Variants in LAMB1 observed in about 807,000 individuals in gnomAD.
LAMB1 encodes the protein laminin subunit beta 1, also known as laminin subunit beta-1.
In LAMB1, 121 loss-of-function variants were observed where a neutral mutation model predicts 222.3. The ratio of observed to expected loss-of-function variants is 0.54; its 90% confidence interval spans 0.47 to 0.63. The LOEUF (loss-of-function observed/expected upper bound fraction) is 0.63, where lower values mean the gene tolerates loss of function less well. Ranked by LOEUF, LAMB1 falls within the 30% of genes least tolerant of loss-of-function variation. The pLI is 0.00. For synonymous variants in LAMB1, 794 were observed against 807.2 expected, an observed-to-expected ratio of 0.98 and a Z score of 0.28; for missense variants, 2,172 against 2,240.8, an observed-to-expected ratio of 0.97 and a Z score of 0.62.
intron 20 of LAMB1, among the ~76,000 whole-genome samples, chr7:107,957,627 C>T (rs891771642): frequency 6.6e-6 from 1 of 152,222 alleles, no homozygotes; most frequent in African/African-American, 2.4e-5. Context: ...GGGCCAGGAA[C>T]TGAGGTCCAA....
rs756401698 is a variant in LAMB1, at chr7:107,959,832, A to C, written c.2317T>G (p.Cys773Gly). The C allele has an allele frequency of 6.2e-7, 1 of 1,612,376 alleles. No homozygotes were observed. The highest frequency in any genetic ancestry group is 8.5e-7 in the Non-Finnish European group (1 of 1,179,116). Residue 773 changes from cysteine to glycine, a missense_variant and splice_region_variant, in exon 19 of 34, where the codon TGT (cysteine) becomes GGT (glycine). By Grantham distance (159) the Cys-to-Gly change is radical. Transcript: ENST00000222399. ...AACGAACCCTGAGGGTCGCATTCAC[A>C]AGCTGTGGGTAAAGAGAGGCCAGAA... is the stretch of plus-strand genomic sequence containing the variant. Reference protein sequence around the residue: ...SALLHQTGLACECDPQGSLSS... With the variant: ...SALLHQTGLAGECDPQGSLSS...
rs369825494 is a variant in LAMB1 at position 107,973,930 on chromosome 7, G to A, written c.1483-859C>T. ...CAAAGTGGTGGGATTACAGGTGTGAGCCATTGTGCCCAGCCTATTTTATTT... is the reference window on the plus strand; with the variant it reads ...CAAAGTGGTGGGATTACAGGTGTGAACCATTGTGCCCAGCCTATTTTATTT... On this transcript the variant is annotated intron_variant, in intron 12 of 33. Coordinates refer to ENST00000222399, the MANE Select transcript of LAMB1 (RefSeq NM_002291.3). Among the ~76,000 whole-genome samples, 26 of 152,096 alleles carry A rather than the reference G, an allele frequency of 1.7e-4. 1 individual carries two copies. In the East Asian group the frequency reaches 2.1e-3, roughly 12 times the overall value.
chr7:107,937,225 A>G lies in LAMB1; in HGVS notation c.3814T>C (p.Ser1272Pro). The change falls in exon 26 of 34, where the codon TCT becomes CCT. Residue 1272 changes from serine (S) to proline (P), a missense_variant. Ser to Pro is a moderately conservative substitution (Grantham distance 74). Transcript: ENST00000222399. ...EMMAQVEVKL[S>P]DTTSQSNSTA... The stretch of plus-strand genomic sequence containing the variant: ...CTGTTGCTTTGGGAAGTTGTGTCAG[A>G]TAATTTCACTTCTACTTGAGCCATC... 1 of 1,614,050 alleles carries G rather than the reference A, an allele frequency of 6.2e-7. No individual in the cohort carries two copies. Among genetic ancestry groups the G allele is most frequent in the Non-Finnish European group, 8.5e-7 (1 of 1,179,932 alleles).
intron 20 of LAMB1, among the ~76,000 whole-genome samples, chr7:107,959,009 G>A (rs1183746330): frequency 1.3e-5 from 2 of 152,230 alleles, no homozygotes; most frequent in African/African-American, 4.8e-5. Context: ...TCGCCAAGAG[G>A]ACGGATTCAT....
At chr7:107,951,748 G>A (rs983181410) in intron 23 of LAMB1, among the ~76,000 whole-genome samples, 1 of 152,180 alleles carries the variant, frequency 6.6e-6, no homozygotes, top group African/African-American at 2.4e-5. Flanking sequence ...AGGTACTGAA[G>A]AGAAATAGCA....
chr7:107,970,599 T>C (rs1335220520), intron 13 of LAMB1, among the ~76,000 whole-genome samples: 3 of 152,072 alleles, frequency 2.0e-5, no homozygotes, highest in Non-Finnish European at 2.9e-5. Context: ...TATTTTTCAA[T>C]GTTATTAAAC....
intron 13 of LAMB1, among the ~76,000 whole-genome samples, chr7:107,970,396 G>C (rs1330934808): frequency 6.7e-6 from 1 of 149,038 alleles, no homozygotes; most frequent in Non-Finnish European, 1.5e-5. Context: ...GCTGAGGTGG[G>C]AGAATCGCTT....
intron 14 of LAMB1, among the ~76,000 whole-genome samples, chr7:107,963,693 C>T (rs2033561898): frequency 1.3e-5 from 2 of 152,210 alleles, no homozygotes; most frequent in African/African-American, 4.8e-5. Flanking sequence ...TTCCATGAAT[C>T]CTTGTGACTT....
chr7:107,935,308 A>G, intron 27 of LAMB1, 107 bp downstream of exon 27: 1 of 1,486,942 alleles, frequency 6.7e-7, no homozygotes, highest in Non-Finnish European at 8.9e-7. Flanking sequence ...TCATTTGCAA[A>G]TTATTGTAAT....
intron 26 of LAMB1, among the ~76,000 whole-genome samples, chr7:107,936,727 G>A (rs550574750): frequency 6.6e-6 from 1 of 152,028 alleles, no homozygotes; most frequent in African/African-American, 2.4e-5. Flanking sequence ...CAGCATTCTT[G>A]AATGTGAAAG....
chr7:107,948,377 G>A (rs2033173895), intron 24 of LAMB1, among the ~76,000 whole-genome samples: 1 of 152,020 alleles, frequency 6.6e-6, no homozygotes. Context: ...GGGCTTTCTG[G>A]TCTTCCATGA....
At chr7:107,993,026 C>G (rs1167840309) in intron 5 of LAMB1, among the ~76,000 whole-genome samples, 1 of 152,184 alleles carries the variant, frequency 6.6e-6, no homozygotes, top group African/African-American at 2.4e-5. Flanking sequence ...CAAGAAGGAG[C>G]AGGCAGGGAT....
chr7:107,949,089 C>A (rs2033187774), intron 24 of LAMB1, among the ~76,000 whole-genome samples: 1 of 152,154 alleles, frequency 6.6e-6, no homozygotes, highest in South Asian at 2.1e-4. Context: ...ATGAAAGGAA[C>A]AAAGAAGTTG....
At chr7:107,926,474 G>A (rs1276932291) in intron 31 of LAMB1, 115 bp from the exon 32 acceptor site, 18 of 730,112 alleles carry the variant, frequency 2.5e-5, no homozygotes, top group Non-Finnish European at 3.3e-5. Flanking sequence ...TAGACCAAAA[G>A]AAGTAATTAC....
chr7:107,959,579 G>T, intron 19 of LAMB1, 99 bp from the exon 20 acceptor site: 3 of 1,610,122 alleles, frequency 1.9e-6, no homozygotes, highest in Non-Finnish European at 2.5e-6. Context: ...AATGCTCATG[G>T]GTTGGTGTGA....
At chr7:107,964,815 G>T in intron 13 of LAMB1, 128 bp from the exon 14 acceptor site, 1 of 1,069,254 alleles carries the variant, frequency 9.4e-7, no homozygotes, top group African/African-American at 1.6e-5. Flanking sequence ...GTTTTCTTCA[G>T]AAAATACATA....
At chr7:107,984,468 G>A (rs751903501) in intron 7 of LAMB1, among the ~76,000 whole-genome samples, 11 of 152,096 alleles carry the variant, frequency 7.2e-5, no homozygotes, top group African/African-American at 2.4e-4. Context: ...GGCTAGTCTC[G>A]AATTCCTGAC....
In LAMB1 at chr7:107,926,268, C is replaced by G. The variant is rs146689575; in HGVS notation, c.4979G>C (p.Arg1660Pro). 1 of 1,613,956 alleles carries G rather than the reference C, an allele frequency of 6.2e-7. No homozygotes were observed. Among genetic ancestry groups the G allele is most frequent in the Non-Finnish European group, 8.5e-7 (1 of 1,179,842 alleles). The part of the protein sequence containing the change: ...ELERNVEELK[R>P]KAAQNSGEAE... Reference sequence around the variant, plus strand: ...CTCCCCGGAGTTTTGGGCAGCTTTCCGCTTAAGTTCTTCCACATTCCTCTC... The same window carrying G: ...CTCCCCGGAGTTTTGGGCAGCTTTCGGCTTAAGTTCTTCCACATTCCTCTC... Residue 1660 changes from arginine to proline, a missense_variant, in exon 32 of 34, where the codon CGG (arginine) becomes CCG (proline). Coordinates refer to ENST00000222399, the MANE Select transcript of LAMB1 (RefSeq NM_002291.3).
intron 32 of LAMB1, among the ~76,000 whole-genome samples, chr7:107,924,711 A>G (rs2032520236): frequency 6.6e-6 from 1 of 152,204 alleles, no homozygotes; most frequent in Non-Finnish European, 1.5e-5. Flanking sequence ...TTTCAAAAGT[A>G]GATTAGACAT....
Sources: allele counts gnomAD v4.1 joint callset (sites outside exome capture counted in the v4.1 genomes callset), GRCh38; gene constraint gnomAD v4.1.1; transcripts MANE v1.5; gene names NCBI Gene and HGNC (gene_info 2026-07-23, HGNC 2026-07-21).